Variants in ABHD2 observed in about 807,000 individuals in gnomAD.
The protein encoded by ABHD2 is monoacylglycerol lipase ABHD2.
A neutral mutation model predicts 48.1 loss-of-function variants in ABHD2; 20 were observed. The observed-to-expected ratio is 0.42, with a 90% CI of 0.29 to 0.60. ABHD2 has a LOEUF of 0.60. ABHD2 is among the 20% of genes least tolerant of loss of function. The probability of loss-of-function intolerance (pLI) is 0.24; values close to 1 mark genes in which losing one functional copy is unlikely to be tolerated. For synonymous variants in ABHD2, 209 were observed against 214.2 expected (o/e 0.98, Z 0.21); for missense variants, 405 against 550.9 (o/e 0.74, Z 2.65).
chr15:89,155,736 C>A lies in ABHD2; in HGVS notation c.538+202C>A, dbSNP rs1442932875. Among the ~76,000 whole-genome samples, 2 of 152,194 alleles carry A rather than the reference C, an allele frequency of 1.3e-5. No individual in the cohort carries two copies. Among genetic ancestry groups the A allele is most frequent in the African/African-American group, 2.4e-5 (1 of 41,446 alleles). ...CCAGCCTTTGAGATGGGCACTATAA[C>A]CACCCTCACAGAGGCAGAAACTGAA... On this transcript the variant is annotated intron_variant, in intron 5 of 10. Coordinates refer to ENST00000352732, the MANE Select transcript of ABHD2 (RefSeq NM_152924.5). This position sits in a 1 kb window ranked among gnomAD's most constrained non-coding sequence, Gnocchi z 4.9.
the ABHD2 span, among the ~76,000 whole-genome samples, chr15:89,081,014 T>C: frequency 1.6e-5 from 2 of 122,042 alleles, no homozygotes; most frequent in Non-Finnish European, 3.6e-5. Context: ...TTTTTTTTTT[T>C]CTTGAGACAG....
rs894808660 is a variant in ABHD2 at position 89,186,228 on chromosome 15, G to C, written c.815+712G>C. 6.6e-6 allele frequency among the ~76,000 whole-genome samples: 1 copy of C among 152,094 alleles called. No homozygotes were observed. Among genetic ancestry groups the C allele is most frequent in the Non-Finnish European group, 1.5e-5 (1 of 68,018 alleles). The stretch of plus-strand genomic sequence containing the variant: ...GACAGGAGGCTCAGGGCATGGTTTC[G>C]GCGCCTCCCTGCTCGGAGTTTGAGC... On this transcript the variant is annotated intron_variant, in intron 7 of 10. Coordinates refer to ENST00000352732, the MANE Select transcript of ABHD2 (RefSeq NM_152924.5). The surrounding 1 kb of genome is among the most constrained non-coding windows in gnomAD (Gnocchi z 4.3).
At chr15:89,136,091 A>ATT (rs1466549698) in intron 3 of ABHD2, 3 of 178,000 alleles carry the variant, frequency 1.7e-5, no homozygotes, top group Non-Finnish European at 3.3e-5. Flanking sequence ...CATGCCTGGC[A>ATT]ATTTTTTTTT....
intron 1 of ABHD2, among the ~76,000 whole-genome samples, chr15:89,111,805 C>G (rs1161538343): frequency 6.6e-6 from 1 of 152,148 alleles, no homozygotes; most frequent in Non-Finnish European, 1.5e-5. Context: ...TTGAAGCTGT[C>G]TCAAATAGTT....
chr15:89,138,848 T>G (rs1369312331), intron 3 of ABHD2, among the ~76,000 whole-genome samples: 1 of 144,694 alleles, frequency 6.9e-6, no homozygotes, highest in Non-Finnish European at 1.5e-5. Context: ...TGTCCTCTAA[T>G]CCTAGCTTTT....
chr15:89,121,111 C>T (rs748003644), intron 3 of ABHD2, among the ~76,000 whole-genome samples: 2 of 152,202 alleles, frequency 1.3e-5, no homozygotes, highest in Non-Finnish European at 2.9e-5. Flanking sequence ...AACAGTTGGG[C>T]AGAGAAAGAG....
Position 89,125,323 on chromosome 15 carries a change from C to A in ABHD2, c.194+8802C>A, listed in dbSNP as rs145359361. Among the ~76,000 whole-genome samples the A allele has an allele frequency of 3.3e-4, 50 of 152,036 alleles. 2 individuals are homozygous for A. The East Asian group carries it at 9.7e-3, about 29-fold the overall frequency. Reference sequence around the variant, plus strand: ...TGGTAAACTATTAACAAGTGATTGGCAGAACTGTAGTGTTCTGATGTGCTT... The same window carrying A: ...TGGTAAACTATTAACAAGTGATTGGAAGAACTGTAGTGTTCTGATGTGCTT... On this transcript the variant is annotated intron_variant, in intron 3 of 10. Transcript: ENST00000352732.
the ABHD2 span, among the ~76,000 whole-genome samples, chr15:89,059,563 T>G: frequency 6.6e-6 from 1 of 152,080 alleles, no homozygotes; most frequent in Non-Finnish European, 1.5e-5. Context: ...GAAAAAAACC[T>G]CTTGAACCAT....
At chr15:89,053,351 A>C in the ABHD2 span, among the ~76,000 whole-genome samples, 11 of 151,812 alleles carry the variant, frequency 7.2e-5, no homozygotes, top group Non-Finnish European at 1.3e-4. Flanking sequence ...AGCCCTAGCA[A>C]ACTAATACAG....
chr15:89,120,316 A>T lies in ABHD2; in HGVS notation c.194+3795A>T, dbSNP rs1047185902. Among the ~76,000 whole-genome samples the T allele has an allele frequency of 5.9e-5, 9 of 152,192 alleles. No individual in the cohort carries two copies. Among genetic ancestry groups the T allele is most frequent in the African/African-American group, 2.2e-4 (9 of 41,456 alleles). On this transcript the variant is annotated intron_variant, in intron 3 of 10. Transcript: ENST00000352732. This position sits in a 1 kb window ranked among gnomAD's most constrained non-coding sequence, Gnocchi z 4.2. Reference sequence around the variant, plus strand: ...TAGTGATTCATTTTTTGTTCTCATGAAGTGTTTACTTTTAGTGAAACAAGC... The same window carrying T: ...TAGTGATTCATTTTTTGTTCTCATGTAGTGTTTACTTTTAGTGAAACAAGC...
Position 89,168,573 on chromosome 15 carries a change from A to C in ABHD2, c.539-7239A>C, listed in dbSNP as rs2050871847. Among the ~76,000 whole-genome samples the C allele has an allele frequency of 6.6e-6, 1 of 152,176 alleles. No homozygotes were observed. Among genetic ancestry groups the C allele is most frequent in the Non-Finnish European group, 1.5e-5 (1 of 68,014 alleles). On this transcript the variant is annotated intron_variant, in intron 5 of 10. Transcript: ENST00000352732. The surrounding 1 kb of genome is among the most constrained non-coding windows in gnomAD (Gnocchi z 4.8). ...CACAGAACATCCAGCAGTCTGTCTG[A>C]CATCAGGCAGGGTTGGCCCTTTATC...
At chr15:89,183,047 G>T (rs916959228) in intron 6 of ABHD2, among the ~76,000 whole-genome samples, 2 of 152,080 alleles carry the variant, frequency 1.3e-5, no homozygotes, top group East Asian at 3.9e-4. Flanking sequence ...TCTGTAAGTA[G>T]TTCACTAGGT....
chr15:89,176,614 C>G lies in ABHD2; in HGVS notation c.722+619C>G, dbSNP rs565111917. Among the ~76,000 whole-genome samples, 2 of 152,254 alleles carry G rather than the reference C, an allele frequency of 1.3e-5. No individual in the cohort carries two copies. Among genetic ancestry groups the G allele is most frequent in the South Asian group, 4.2e-4 (2 of 4,814 alleles). ...GAGGGCGTGGTCATCTGCCCCGATT[C>G]CCCTGAAGATCACTGCTGTCCCAGG... On this transcript the variant is annotated intron_variant, in intron 6 of 10. Coordinates refer to ENST00000352732, the MANE Select transcript of ABHD2 (RefSeq NM_152924.5). This position sits in a 1 kb window ranked among gnomAD's most constrained non-coding sequence, Gnocchi z 4.5.
At chr15:89,077,639 G>T in the ABHD2 span, among the ~76,000 whole-genome samples, 3 of 151,966 alleles carry the variant, frequency 2.0e-5, no homozygotes, top group African/African-American at 7.3e-5. Flanking sequence ...GTTATTGGGA[G>T]GATTAAATAT....
chr15:89,139,884 C>T (rs2050375221), intron 3 of ABHD2, among the ~76,000 whole-genome samples: 1 of 152,178 alleles, frequency 6.6e-6, no homozygotes, highest in South Asian at 2.1e-4. Flanking sequence ...TAACTAGAAT[C>T]TGACCGGAGT....
At position 89,138,734 on chromosome 15, in the gene ABHD2, C is replaced by T. The variant is rs550897443; in HGVS notation, c.195-12943C>T. Among the ~76,000 whole-genome samples the T allele has an allele frequency of 3.9e-4, 59 of 152,214 alleles. No individual in the cohort carries two copies. The South Asian group carries it at 4.8e-3, about 12-fold the overall frequency. ...TAGAACATTTTGACAGTTGATCAGACAGGAGAAAATAGGCACAAAGCTGTT... is the reference window on the plus strand; with the variant it reads ...TAGAACATTTTGACAGTTGATCAGATAGGAGAAAATAGGCACAAAGCTGTT... On this transcript the variant is annotated intron_variant, in intron 3 of 10. Transcript: ENST00000352732.
Position 89,100,982 on chromosome 15 carries a change from G to A in ABHD2, c.-107+12419G>A, listed in dbSNP as rs946282085. Among the ~76,000 whole-genome samples the A allele has an allele frequency of 6.6e-6, 1 of 152,220 alleles. No homozygotes were observed. Among genetic ancestry groups the A allele is most frequent in the South Asian group, 2.1e-4 (1 of 4,832 alleles). On this transcript the variant is annotated intron_variant, in intron 1 of 10. Transcript: ENST00000352732. This position sits in a 1 kb window ranked among gnomAD's most constrained non-coding sequence, Gnocchi z 4.4. ...ACCAAATAAGCTCATGTCAGTTGGAGAATACCATAGACAATTTTGTTGCAT... is the reference window on the plus strand; with the variant it reads ...ACCAAATAAGCTCATGTCAGTTGGAAAATACCATAGACAATTTTGTTGCAT...
At chr15:89,192,118 C>T (rs2051316259) in intron 9 of ABHD2, among the ~76,000 whole-genome samples, 1 of 152,222 alleles carries the variant, frequency 6.6e-6, no homozygotes, top group South Asian at 2.1e-4. Flanking sequence ...CACAGGACTT[C>T]CCATTTATCC....
At chr15:89,154,120 T>G (rs895289860) in intron 4 of ABHD2, among the ~76,000 whole-genome samples, 2 of 152,166 alleles carry the variant, frequency 1.3e-5, no homozygotes, top group African/African-American at 4.8e-5. Context: ...TGTTGCCCTG[T>G]TTAGAGGTAC....
Sources: gnomAD v4.1 joint callset for allele counts (sites outside exome capture counted in the v4.1 genomes callset) on GRCh38, gnomAD v4.1.1 for gene constraint, Gnocchi (gnomAD v3.1) non-coding constraint, MANE v1.5 for transcripts, NCBI Gene and HGNC (gene_info 2026-07-23, HGNC 2026-07-21) for gene names.